C12orf42: variants seen among roughly 807,000 people sequenced by gnomAD.
The protein encoded by C12orf42 is uncharacterized protein C12orf42.
Under a neutral mutation model 21.6 loss-of-function variants are expected in C12orf42, and 25 were observed. The observed-to-expected ratio is 1.16, with a 90% confidence interval of 0.84 to 1.62. C12orf42 has a LOEUF of 1.62. Among genes scored for constraint, C12orf42 ranks in the 40% most tolerant of loss-of-function variants. The pLI is 0.00. For synonymous variants in C12orf42, 174 were observed against 175.0 expected, an observed-to-expected ratio of 0.99 and a Z score of 0.05; for missense variants, 483 against 459.3, an observed-to-expected ratio of 1.05 and a Z score of -0.47.
chr12:103,456,809 C>T (rs1198734240), intron 2 of C12orf42, among the ~76,000 whole-genome samples: 2 of 152,040 alleles, frequency 1.3e-5, no homozygotes, highest in African/African-American at 4.8e-5. Flanking sequence ...TTGGAAATTC[C>T]CCACCAATTC....
intron 4 of C12orf42, among the ~76,000 whole-genome samples, chr12:103,316,080 A>G (rs930784034): frequency 6.6e-6 from 1 of 150,978 alleles, no homozygotes; most frequent in Non-Finnish European, 1.5e-5. Flanking sequence ...AGTACTATAT[A>G]GTACTGTATA....
At chr12:103,099,541 A>T in the C12orf42 span, among the ~76,000 whole-genome samples, 7 of 152,332 alleles carry the variant, frequency 4.6e-5, no homozygotes, top group East Asian at 9.6e-4. Flanking sequence ...TATCACTTTG[A>T]CCATTGCCTA....
the C12orf42 span, among the ~76,000 whole-genome samples, chr12:103,522,464 C>T: frequency 6.6e-6 from 1 of 152,178 alleles, no homozygotes; most frequent in Non-Finnish European, 1.5e-5. Context: ...AGCCATTTGG[C>T]AACATTGCAC....
At chr12:103,264,026 G>A (rs910877284), downstream of C12orf42, among the ~76,000 whole-genome samples, 2 of 152,034 alleles carry the variant, frequency 1.3e-5, no homozygotes, top group Non-Finnish European at 2.9e-5. Flanking sequence ...TTTTTACCAT[G>A]ACTTACAAAA....
the C12orf42 span, among the ~76,000 whole-genome samples, chr12:103,181,917 C>T: frequency 2.0e-4 from 30 of 152,156 alleles, no homozygotes; most frequent in Non-Finnish European, 4.4e-5. Context: ...TTGTATTTCC[C>T]TAGGATGAAA....
the C12orf42 span, among the ~76,000 whole-genome samples, chr12:103,218,376 G>T: frequency 6.6e-6 from 1 of 152,176 alleles, no homozygotes; most frequent in Non-Finnish European, 1.5e-5. Context: ...TACAGACAAT[G>T]GTTGCACAAT....
intron 4 of C12orf42, among the ~76,000 whole-genome samples, chr12:103,326,678 C>T (rs2040744712): frequency 6.6e-6 from 1 of 152,212 alleles, no homozygotes; most frequent in Middle Eastern, 3.2e-3. Context: ...CAGACATTGA[C>T]ATTGGCTCAA....
At chr12:103,507,814 C>T in the C12orf42 span, among the ~76,000 whole-genome samples, 1 of 152,276 alleles carries the variant, frequency 6.6e-6, no homozygotes, top group South Asian at 2.1e-4. Context: ...AGGACCTGAA[C>T]ATAGCATCAG....
chr12:103,288,015 GA>G lies in C12orf42; in HGVS notation n.338-10806del, dbSNP rs1255156082. ...TTCTGCTCCCTGATGACCAAACAGC[GA>G]AAATAATTTCTTTGAGAAGACTTTG... On this transcript the variant is annotated intron_variant and non_coding_transcript_variant, in intron 4 of 6. Coordinates refer to the C12orf42 transcript ENST00000546526. Among the ~76,000 whole-genome samples the G allele has an allele frequency of 3.3e-5, 5 of 152,278 alleles. No homozygotes were observed. In the East Asian group the frequency reaches 9.6e-4, roughly 29 times the overall value.
At chr12:103,335,041 GT>G (rs2041572545) in intron 4 of C12orf42, among the ~76,000 whole-genome samples, 1 of 152,088 alleles carries the variant, frequency 6.6e-6, no homozygotes, top group Non-Finnish European at 1.5e-5. Flanking sequence ...TCATTGCTTT[GT>G]TTTTATTTTT....
chr12:103,215,079 G>A, the C12orf42 span, among the ~76,000 whole-genome samples: 1 of 152,054 alleles, frequency 6.6e-6, no homozygotes, highest in African/African-American at 2.4e-5. Flanking sequence ...CATATTTATT[G>A]CATGGAAGAG....
At chr12:103,293,848 A>C (rs2036976196) in intron 4 of C12orf42, among the ~76,000 whole-genome samples, 1 of 152,166 alleles carries the variant, frequency 6.6e-6, no homozygotes, top group Non-Finnish European at 1.5e-5. Flanking sequence ...CAGAAAAATT[A>C]ACTTTTAATT....
chr12:103,522,091 T>C, the C12orf42 span, among the ~76,000 whole-genome samples: 2 of 152,144 alleles, frequency 1.3e-5, no homozygotes, highest in African/African-American at 4.8e-5. Flanking sequence ...TGAATTGCAA[T>C]AATCCCCACA....
chr12:103,107,340 G>A, the C12orf42 span, among the ~76,000 whole-genome samples: 3 of 151,950 alleles, frequency 2.0e-5, no homozygotes, highest in Admixed American at 6.6e-5. Flanking sequence ...TAAGCACACC[G>A]TTAACATTTA....
the C12orf42 span, among the ~76,000 whole-genome samples, chr12:103,117,650 C>A: frequency 6.6e-6 from 1 of 152,152 alleles, no homozygotes; most frequent in Non-Finnish European, 1.5e-5. Flanking sequence ...AACTGAAACC[C>A]CAGAATTAAA....
rs1555203975 is a variant in C12orf42 at position 103,449,128 on chromosome 12, T to TAGATAGATAGAC, written c.78+29220_78+29221insGTCTATCTATCT. Reference sequence around the variant, plus strand: ...ATAGATAGATAGATAGATAGATAGATAGACAGACACCATGGAATACTACGC... The same window carrying TAGATAGATAGAC: ...ATAGATAGATAGATAGATAGATAGATAGATAGATAGACAGACAGACACCATGGAATACTACGC... On this transcript the variant is annotated intron_variant, in intron 2 of 5. Coordinates refer to ENST00000548883, the MANE Select transcript of C12orf42 (RefSeq NM_198521.5). Among the ~76,000 whole-genome samples the TAGATAGATAGAC allele has an allele frequency of 1.1e-3, 161 of 148,718 alleles. 7 individuals carry two copies. The highest frequency in any genetic ancestry group is 3.8e-3 in the South Asian group (18 of 4,696).
the C12orf42 span, among the ~76,000 whole-genome samples, chr12:103,095,750 A>G: frequency 6.6e-6 from 1 of 152,208 alleles, no homozygotes; most frequent in African/African-American, 2.4e-5. Context: ...TTCCTGACAC[A>G]TAGTAGGTGC....
chr12:103,363,236 T>A (rs183600992), intron 4 of C12orf42, among the ~76,000 whole-genome samples: 2 of 152,174 alleles, frequency 1.3e-5, no homozygotes, highest in East Asian at 3.9e-4. Flanking sequence ...GAATTTTGGA[T>A]CCAGTGAAAC....
intron 1 of C12orf42, among the ~76,000 whole-genome samples, chr12:103,481,998 A>G (rs1376130795): frequency 6.6e-6 from 1 of 152,054 alleles, no homozygotes; most frequent in African/African-American, 2.4e-5. Context: ...TTTAACATGG[A>G]CCACCCACTG....
Sources: allele counts gnomAD v4.1 joint callset (sites outside exome capture counted in the v4.1 genomes callset), GRCh38; gene constraint gnomAD v4.1.1; transcripts MANE v1.5; gene names NCBI Gene and HGNC (gene_info 2026-07-23, HGNC 2026-07-21).